KPNA7: variants seen among roughly 807,000 people sequenced by gnomAD.
The protein encoded by KPNA7 is karyopherin subunit alpha 7.
In KPNA7, 54 loss-of-function variants were observed where a neutral mutation model predicts 53.7. The ratio of observed to expected loss-of-function variants is 1.01; its 90% CI spans 0.81 to 1.26. The LOEUF is 1.26. KPNA7 is among the 50% of genes most tolerant of loss of function. KPNA7 has a pLI of 0.00. For synonymous variants in KPNA7, 276 were observed against 259.3 expected (o/e 1.06, Z -0.62); for missense variants, 640 against 644.5 (o/e 0.99, Z 0.07).
intron 3 of KPNA7, among the ~76,000 whole-genome samples, chr7:99,197,366 G>A (rs1314378550): frequency 6.6e-6 from 1 of 152,124 alleles, no homozygotes; most frequent in East Asian, 1.9e-4. Context: ...AAACCCTGGG[G>A]CAATGGAAAA....
intron 1 of KPNA7, among the ~76,000 whole-genome samples, chr7:99,214,782 A>G (rs1052307847): frequency 7.5e-5 from 10 of 133,208 alleles, no homozygotes; most frequent in African/African-American, 2.8e-4. Flanking sequence ...GCAGGCCACC[A>G]CTATGGGTGG....
At chr7:99,213,456 A>AAAAGAG in intron 1 of KPNA7, among the ~76,000 whole-genome samples, 1 of 126,166 alleles carries the variant, frequency 7.9e-6, no homozygotes, top group Non-Finnish European at 1.6e-5. Context: ...AAAAAAAAAA[A>AAAAGAG]AGAGAGAGAG....
intron 3 of KPNA7, among the ~76,000 whole-genome samples, chr7:99,197,156 C>T (rs553076126): frequency 6.6e-6 from 1 of 152,230 alleles, no homozygotes; most frequent in African/African-American, 2.4e-5. Context: ...GAGTGGTGAA[C>T]GCATGCCCCC....
intron 6 of KPNA7, among the ~76,000 whole-genome samples, 172 bp downstream of exon 6, chr7:99,192,847 G>T (rs1286120721): frequency 6.6e-6 from 1 of 152,080 alleles, no homozygotes; most frequent in African/African-American, 2.4e-5. Flanking sequence ...ACATCCACTT[G>T]GCCTGGTACT....
At position 99,203,146 on chromosome 7, in the gene KPNA7, C is replaced by A; in HGVS notation, c.161G>T (p.Cys54Phe). The A allele has an allele frequency of 6.4e-7, 1 of 1,551,676 alleles. No individual in the cohort carries two copies. Among genetic ancestry groups the A allele is most frequent in the Non-Finnish European group, 8.7e-7 (1 of 1,146,972 alleles). ...TLKRRNITSF[C>F]PDTPSEKTAK... ...TGTTTTTTCAGAAGGTGTGTCAGGGCAGAAGCTCGTGATATTCCTTCTCTT... is the reference window on the plus strand; with the variant it reads ...TGTTTTTTCAGAAGGTGTGTCAGGGAAGAAGCTCGTGATATTCCTTCTCTT... The change falls in exon 3 of 11, where the codon TGC (cysteine) becomes TTC (phenylalanine). Residue 54 changes from cysteine to phenylalanine, a missense_variant. Physicochemically the swap from Cys to Phe is radical, Grantham distance 205. Coordinates refer to ENST00000327442, the MANE Select transcript of KPNA7 (RefSeq NM_001145715.3).
chr7:99,212,759 G>A (rs938004322), upstream of KPNA7, among the ~76,000 whole-genome samples: 7 of 151,764 alleles, frequency 4.6e-5, no homozygotes, highest in Admixed American at 1.3e-4. Context: ...AAATTAATCC[G>A]GCATCGTGAT....
chr7:99,171,784 A>T (rs1454964452), downstream of KPNA7, among the ~76,000 whole-genome samples: 1 of 152,116 alleles, frequency 6.6e-6, no homozygotes, highest in East Asian at 1.9e-4. Flanking sequence ...AAGCACAGGC[A>T]GGTGTGAGAT....
intron 3 of KPNA7, among the ~76,000 whole-genome samples, chr7:99,196,650 T>G (rs1790244788): frequency 6.6e-6 from 1 of 152,150 alleles, no homozygotes; most frequent in Non-Finnish European, 1.5e-5. Context: ...CATTTTGACT[T>G]GCCCTATTCC....
In KPNA7 at chr7:99,180,769, GTC is replaced by G. The variant is rs1172946182; in HGVS notation, c.1317+1112_1317+1113del. On this transcript the variant is annotated intron_variant, in intron 9 of 10. Coordinates refer to ENST00000327442, the MANE Select transcript of KPNA7 (RefSeq NM_001145715.3). ...TGTCTCTCTCTCTCTCCCCGTCTGT[GTC>G]TCTCTCTCTCTCCCCGTCTGTGTCT... Among the ~76,000 whole-genome samples, 6 of 49,718 alleles carry G rather than the reference GTC, an allele frequency of 1.2e-4. 1 individual carries two copies. Among genetic ancestry groups the G allele is most frequent in the African/African-American group, 5.2e-4 (6 of 11,474 alleles). The allele number at this position is 49,718 out of a possible 152,430, so 32.6% of individuals were successfully genotyped here.
At chr7:99,206,327 A>T (rs1790813915) in intron 2 of KPNA7, among the ~76,000 whole-genome samples, 1 of 151,820 alleles carries the variant, frequency 6.6e-6, no homozygotes, top group Non-Finnish European at 1.5e-5. Flanking sequence ...TGCACATCTA[A>T]TTTTTTGTAT....
At chr7:99,189,667 G>C (rs1789832928) in intron 6 of KPNA7, among the ~76,000 whole-genome samples, 1 of 152,096 alleles carries the variant, frequency 6.6e-6, no homozygotes, top group African/African-American at 2.4e-5. Context: ...TGTTGCCCAG[G>C]CTGCAGTGCA....
the KPNA7 span, among the ~76,000 whole-genome samples, chr7:99,167,237 A>G: frequency 6.6e-6 from 1 of 152,084 alleles, no homozygotes; most frequent in Non-Finnish European, 1.5e-5. Flanking sequence ...CCGGAGATCT[A>G]CCAGACTACC....
intron 1 of KPNA7, among the ~76,000 whole-genome samples, chr7:99,215,725 C>T (rs1304141054): frequency 6.6e-6 from 1 of 152,086 alleles, no homozygotes; most frequent in Non-Finnish European, 1.5e-5. Flanking sequence ...GAGGCTCATG[C>T]CCGTAATCCC....
chr7:99,146,711 T>TAAAAAAAAAAAAA, the KPNA7 span, among the ~76,000 whole-genome samples: 2 of 70,402 alleles, frequency 2.8e-5, no homozygotes, highest in Admixed American at 1.9e-4. Context: ...GACTGTGTCT[T>TAAAAAAAAAAAAA]AAAAAAAAAA....
chr7:99,199,414 A>G (rs1790400178), intron 3 of KPNA7, among the ~76,000 whole-genome samples: 1 of 152,218 alleles, frequency 6.6e-6, no homozygotes, highest in Non-Finnish European at 1.5e-5. Context: ...TCAATGGAAG[A>G]GAACTGAGAG....
At chr7:99,147,526 C>T in the KPNA7 span, among the ~76,000 whole-genome samples, 1 of 152,252 alleles carries the variant, frequency 6.6e-6, no homozygotes, top group African/African-American at 2.4e-5. Context: ...CACAGTGGCT[C>T]ACGCCTGTAA....
chr7:99,218,778 A>G (rs1189391263), intron 1 of KPNA7, among the ~76,000 whole-genome samples: 2 of 152,238 alleles, frequency 1.3e-5, no homozygotes, highest in Non-Finnish European at 1.5e-5. Flanking sequence ...TCCGTGGTGG[A>G]GAGCAAGGAC....
Position 99,195,177 on chromosome 7 carries a change from G to A in KPNA7, c.446C>T (p.Thr149Ile). 2 of 1,551,618 alleles carry A rather than the reference G, an allele frequency of 1.3e-6. No homozygotes were observed. Among genetic ancestry groups the A allele is most frequent in the African/African-American group, 1.4e-5 (1 of 73,116 alleles). Residue 149 changes from threonine to isoleucine, a missense_variant, in exon 5 of 11, where the codon ACT (threonine) becomes ATT (isoleucine). Thr to Ile is a moderately conservative substitution (Grantham distance 89, BLOSUM62 -1). Transcript: ENST00000327442. ...GGCTCCCCCTTCTACCACGGCACGA[G>A]TCTGCTCCGAAGTCCCTGAAGCGAT... ...TNIASGTSEQ[T>I]RAVVEGGAIQ...
the KPNA7 span, among the ~76,000 whole-genome samples, chr7:99,163,563 T>C: frequency 6.6e-6 from 1 of 150,424 alleles, no homozygotes; most frequent in African/African-American, 2.4e-5. Context: ...TAATTTTTTA[T>C]TTTTATAGAG....
Sources: allele counts gnomAD v4.1 joint callset (sites outside exome capture counted in the v4.1 genomes callset), GRCh38; gene constraint gnomAD v4.1.1; transcripts MANE v1.5; gene names NCBI Gene and HGNC (gene_info 2026-07-23, HGNC 2026-07-21).